STIM1: variants seen among roughly 807,000 people sequenced by gnomAD.
STIM1 encodes the protein stromal interaction molecule 1.
STIM1 carries 25 observed loss-of-function variants against 74.7 expected under a neutral mutation model. The ratio of observed to expected loss-of-function variants is 0.33; its 90% CI spans 0.24 to 0.47. The LOEUF (loss-of-function observed/expected upper bound fraction) is 0.47. STIM1 is among the 20% of genes least tolerant of loss of function. The probability of loss-of-function intolerance (pLI) is 1.00; values close to 1 mark genes in which losing one functional copy is unlikely to be tolerated. For missense variants in STIM1, 728 were observed against 920.8 expected, an observed-to-expected ratio of 0.79 and a Z score of 2.71; for synonymous variants, 328 against 348.8, an observed-to-expected ratio of 0.94 and a Z score of 0.66.
intron 1 of STIM1, among the ~76,000 whole-genome samples, chr11:3,929,910 G>GC (rs2092836949): frequency 6.6e-6 from 1 of 152,146 alleles, no homozygotes. Context: ...TTCTGGGAGA[G>GC]CCTCAGCTCT....
rs34152151 is a variant in STIM1 at position 4,010,172 on chromosome 11, A to ATT, written c.271-13686_271-13685dup. ...GGTGGACTTTTAGTGAAATTTTCTG[A>ATT]TTTTTTTTTTTTTTTTGAGACAGAG... On this transcript the variant is annotated intron_variant, in intron 2 of 12. Coordinates refer to ENST00000526596, the MANE Select transcript of STIM1 (RefSeq NM_001382567.1). Among the ~76,000 whole-genome samples, 400 of 142,182 alleles carry ATT rather than the reference A, an allele frequency of 2.8e-3. 8 individuals are homozygous for ATT. The South Asian group carries it at 0.042, about 15-fold the overall frequency. The allele number at this position is 142,182 out of a possible 152,430, so 93.3% of individuals were successfully genotyped here.
intron 3 of STIM1, among the ~76,000 whole-genome samples, chr11:4,024,447 A>G (rs145101079): frequency 1.6e-3 from 248 of 152,312 alleles, no homozygotes; most frequent in African/African-American, 5.7e-3. Flanking sequence ...AAGCTTTTCT[A>G]TACCATTTTG....
intron 2 of STIM1, among the ~76,000 whole-genome samples, chr11:3,971,509 A>C (rs2093395165): frequency 1.3e-5 from 2 of 152,104 alleles, no homozygotes. Flanking sequence ...AGCCTGGGTG[A>C]CAGAGCAAGA....
intron 5 of STIM1, among the ~76,000 whole-genome samples, chr11:4,064,126 G>A (rs944555783): frequency 2.0e-5 from 3 of 152,190 alleles, no homozygotes; most frequent in Non-Finnish European, 4.4e-5. Context: ...TGGAAGCTAA[G>A]GTTTTAGAAA....
intron 1 of STIM1, among the ~76,000 whole-genome samples, chr11:3,900,764 T>G (rs891067456): frequency 9.2e-5 from 14 of 152,180 alleles, no homozygotes; most frequent in Admixed American, 6.5e-5. Flanking sequence ...TTTGTAGAGA[T>G]GGGTTCTCAC....
chr11:4,076,277 G>C (rs185664006), intron 7 of STIM1, among the ~76,000 whole-genome samples: 5 of 151,976 alleles, frequency 3.3e-5, no homozygotes, highest in Admixed American at 3.3e-4. Context: ...CTTGAGGTCA[G>C]AAGTTCGAGA....
chr11:3,951,736 G>C (rs949025099), intron 1 of STIM1, among the ~76,000 whole-genome samples: 10 of 152,080 alleles, frequency 6.6e-5, no homozygotes, highest in Non-Finnish European at 1.2e-4. Flanking sequence ...GTAAGTCCTT[G>C]GGTGCCCACT....
intron 1 of STIM1, among the ~76,000 whole-genome samples, chr11:3,893,245 C>G (rs2091951357): frequency 6.6e-6 from 1 of 152,102 alleles, no homozygotes; most frequent in Non-Finnish European, 1.5e-5. Context: ...TTATTTTGTC[C>G]TTGGTGCCTA....
rs556601682 is a variant in STIM1 at position 3,931,696 on chromosome 11, C to T, written c.140-35856C>T. On this transcript the variant is annotated intron_variant, in intron 1 of 12. Coordinates refer to ENST00000526596, the MANE Select transcript of STIM1 (RefSeq NM_001382567.1). ...CATTTCATACATTAAAATCCTAACC[C>T]CTAATGTGATGGTATTAGGAGGTTG... 2.0e-5 allele frequency among the ~76,000 whole-genome samples: 3 copies of T among 152,210 alleles called. No individual in the cohort carries two copies. In the East Asian group the frequency reaches 5.8e-4, roughly 29 times the overall value.
chr11:3,977,017 A>G (rs58288151), intron 2 of STIM1, among the ~76,000 whole-genome samples: 3,874 of 151,982 alleles, frequency 0.025, 145 homozygotes, highest in African/African-American at 0.083. Flanking sequence ...CTGGTCTTGA[A>G]CTTCTGACCT....
intron 1 of STIM1, among the ~76,000 whole-genome samples, chr11:3,953,785 T>TA (rs2093178816): frequency 8.1e-6 from 1 of 123,050 alleles, no homozygotes; most frequent in African/African-American, 3.6e-5. Context: ...TTCTTCTTTC[T>TA]TTTTTTTTTT....
At chr11:4,005,793 A>C (rs1001900498) in intron 2 of STIM1, among the ~76,000 whole-genome samples, 1 of 152,190 alleles carries the variant, frequency 6.6e-6, no homozygotes, top group Admixed American at 6.5e-5. Flanking sequence ...AAAAGAGACT[A>C]GACGTACAAA....
At chr11:3,914,758 G>T (rs1360803977) in intron 1 of STIM1, among the ~76,000 whole-genome samples, 2 of 152,146 alleles carry the variant, frequency 1.3e-5, no homozygotes, top group African/African-American at 4.8e-5. Flanking sequence ...ATTTTTGGGA[G>T]TGTATCATAG....
chr11:3,892,715 G>A (rs886512257), intron 1 of STIM1: 30 of 1,613,062 alleles, frequency 1.9e-5, no homozygotes, highest in Non-Finnish European at 2.5e-5. Context: ...CATAAACCCT[G>A]GAATAATTCT....
intron 1 of STIM1, among the ~76,000 whole-genome samples, chr11:3,925,512 TATTA>T (rs1317057172): frequency 6.6e-6 from 1 of 152,238 alleles, no homozygotes; most frequent in African/African-American, 2.4e-5. Flanking sequence ...TGTTTTTCAT[TATTA>T]AGCAGGACAT....
At chr11:4,090,787 G>T (rs2094519519) in intron 12 of STIM1, among the ~76,000 whole-genome samples, 2 of 152,210 alleles carry the variant, frequency 1.3e-5, no homozygotes, top group Non-Finnish European at 2.9e-5. Flanking sequence ...GCCGCCTGTG[G>T]AATTTAAGCC....
intron 1 of STIM1, among the ~76,000 whole-genome samples, chr11:3,908,653 A>C (rs1590554216): frequency 6.6e-6 from 1 of 152,080 alleles, no homozygotes; most frequent in Non-Finnish European, 1.5e-5. Flanking sequence ...ATGGCTAGAA[A>C]GTTTAAAGCC....
chr11:4,060,736 T>C (rs567098280), intron 5 of STIM1, among the ~76,000 whole-genome samples: 25 of 152,330 alleles, frequency 1.6e-4, no homozygotes, highest in Admixed American at 3.9e-4. Flanking sequence ...TCTCCAGTAC[T>C]TCTATCTAAA....
intron 1 of STIM1, among the ~76,000 whole-genome samples, chr11:3,938,900 T>C (rs1309363695): frequency 6.6e-6 from 1 of 152,186 alleles, no homozygotes; most frequent in Non-Finnish European, 1.5e-5. Flanking sequence ...CATTAGAAGA[T>C]GTGAGAAGGG....
Sources: allele counts gnomAD v4.1 joint callset (sites outside exome capture counted in the v4.1 genomes callset), GRCh38; gene constraint gnomAD v4.1.1; transcripts MANE v1.5; gene names NCBI Gene and HGNC (gene_info 2026-07-23, HGNC 2026-07-21).